The following MBTD1 variants were observed in gnomAD, a reference collection of about 807,000 sequenced individuals.
The protein encoded by MBTD1 is MBT domain-containing protein 1.
A neutral mutation model predicts 87.8 loss-of-function variants in MBTD1; 24 were observed. That is an observed-to-expected ratio of 0.27 (90% CI 0.20 to 0.38). The LOEUF is 0.38. Ranked by LOEUF, MBTD1 falls within the 10% of genes least tolerant of loss-of-function variation. The probability of loss-of-function intolerance (pLI) is 1.00; values close to 1 mark genes in which losing one functional copy is unlikely to be tolerated. For synonymous variants in MBTD1, 237 were observed against 248.6 expected, an observed-to-expected ratio of 0.95 and a Z score of 0.44; for missense variants, 436 against 760.2, an observed-to-expected ratio of 0.57 and a Z score of 5.02.
At chr17:51,229,659 ACTT>A (rs754478871) in intron 2 of MBTD1, among the ~76,000 whole-genome samples, 1 of 122,294 alleles carries the variant, frequency 8.2e-6, no homozygotes, top group African/African-American at 2.9e-5. Context: ...TTTTTAGTAT[ACTT>A]TTTTTTTTTT....
chr17:51,215,370 AAAC>A (rs2052505784), intron 6 of MBTD1, among the ~76,000 whole-genome samples: 1 of 152,228 alleles, frequency 6.6e-6, no homozygotes, highest in Non-Finnish European at 1.5e-5. Context: ...TTTGGACAGA[AAAC>A]AAAATGTTAT....
chr17:51,231,092 C>T (rs1259221233), intron 2 of MBTD1, among the ~76,000 whole-genome samples: 1 of 152,164 alleles, frequency 6.6e-6, no homozygotes, highest in African/African-American at 2.4e-5. Context: ...CGCCTGCCAC[C>T]ACGCCAGGCT....
At chr17:51,217,207 G>C in intron 6 of MBTD1, 127 bp downstream of exon 6, 5 of 560,100 alleles carry the variant, frequency 8.9e-6, no homozygotes, top group Non-Finnish European at 1.5e-5. Context: ...AATAATAAAA[G>C]AAGCATTTCA....
intron 3 of MBTD1, 24 bp downstream of exon 3, chr17:51,224,984 C>G (rs1156617261): frequency 6.9e-7 from 1 of 1,453,890 alleles, no homozygotes; most frequent in Non-Finnish European, 9.3e-7. Context: ...AGCTGTAGAA[C>G]AGGTGAAGGT....
At chr17:51,229,584 A>G (rs943045999) in intron 2 of MBTD1, among the ~76,000 whole-genome samples, 7 of 152,064 alleles carry the variant, frequency 4.6e-5, no homozygotes, top group African/African-American at 1.7e-4. Flanking sequence ...GAAATATTAC[A>G]TTACCAAAGA....
intron 2 of MBTD1, among the ~76,000 whole-genome samples, chr17:51,254,738 T>TA (rs879654897): frequency 7.0e-4 from 107 of 152,160 alleles, no homozygotes; most frequent in Non-Finnish European, 1.1e-3. Context: ...TATGATAAAA[T>TA]AAAAAAATTC....
At chr17:51,232,392 C>A (rs1449083284) in intron 2 of MBTD1, among the ~76,000 whole-genome samples, 1 of 152,058 alleles carries the variant, frequency 6.6e-6, no homozygotes, top group Non-Finnish European at 1.5e-5. Flanking sequence ...CAAGCATCAG[C>A]AGAAACTGAT....
At chr17:51,193,915 C>T (rs1428200822) in intron 13 of MBTD1, among the ~76,000 whole-genome samples, 1 of 152,206 alleles carries the variant, frequency 6.6e-6, no homozygotes, top group Non-Finnish European at 1.5e-5. Flanking sequence ...GCCACTGCAC[C>T]TGGCCTATAT....
chr17:51,188,268 T>G (rs771056814), intron 16 of MBTD1, among the ~76,000 whole-genome samples: 1 of 152,220 alleles, frequency 6.6e-6, no homozygotes, highest in South Asian at 2.1e-4. Flanking sequence ...CTTTTGAGAC[T>G]AGAGAGTGTC....
chr17:51,260,955 G>C, upstream of MBTD1: 7 of 1,467,986 alleles, frequency 4.8e-6, no homozygotes. Context: ...CGCGGGCTGG[G>C]CGCACTCGGG....
At chr17:51,201,223 C>G (rs1031829746) in intron 12 of MBTD1, among the ~76,000 whole-genome samples, 5 of 151,978 alleles carry the variant, frequency 3.3e-5, no homozygotes, top group African/African-American at 9.7e-5. Flanking sequence ...AGAAAAGCAG[C>G]AAAAACTACT....
At chr17:51,187,517 A>C (rs1197421101) in intron 16 of MBTD1, among the ~76,000 whole-genome samples, 3 of 152,126 alleles carry the variant, frequency 2.0e-5, no homozygotes, top group African/African-American at 7.2e-5. Flanking sequence ...AACTCTGCAA[A>C]TATTGAAGAA....
At chr17:51,191,997 G>A (rs1254206949) in intron 16 of MBTD1, 3 of 572,618 alleles carry the variant, frequency 5.2e-6, no homozygotes, top group Non-Finnish European at 9.2e-6. Flanking sequence ...TTTAAATACT[G>A]TGGTAATAAT....
rs1370737045 is a variant in MBTD1, at chr17:51,192,831, T to A, written c.1641A>T (p.Val547=). 1 of 1,614,062 alleles carries A rather than the reference T, an allele frequency of 6.2e-7. No individual in the cohort carries two copies. The highest frequency in any genetic ancestry group is 8.5e-7 in the Non-Finnish European group (1 of 1,180,022). ...GATATCCAGTTAACTGACACCACCCTACAGGATAGAGGTCAGGTGACTCAC... is the reference window on the plus strand; with the variant it reads ...GATATCCAGTTAACTGACACCACCCAACAGGATAGAGGTCAGGTGACTCAC... ...VDCESPDLYP[V]GWCQLTGYQL... is the part of the protein sequence containing the mutation. Residue 547 remains valine (V), a synonymous_variant, in exon 15 of 17, where the codon GTA becomes GTT. Transcript: ENST00000586178.
chr17:51,236,115 GAT>G (rs1165034946), intron 2 of MBTD1, among the ~76,000 whole-genome samples: 3 of 151,826 alleles, frequency 2.0e-5, no homozygotes, highest in Admixed American at 2.0e-4. Flanking sequence ...CATACCTATA[GAT>G]ATGTCAATAT....
At chr17:51,243,634 G>A (rs113271832) in intron 2 of MBTD1, among the ~76,000 whole-genome samples, 2,335 of 152,076 alleles carry the variant, frequency 0.015, 36 homozygotes, top group Non-Finnish European at 0.024. Context: ...TCAAGACCAG[G>A]ATCACATAAA....
intron 2 of MBTD1, among the ~76,000 whole-genome samples, chr17:51,254,431 T>C (rs185227258): frequency 4.6e-5 from 7 of 152,278 alleles, no homozygotes; most frequent in African/African-American, 1.4e-4. Context: ...ATGTCAATGA[T>C]ACAATCAAGA....
intron 16 of MBTD1, among the ~76,000 whole-genome samples, chr17:51,182,373 C>T (rs1485779760): frequency 3.3e-5 from 5 of 152,050 alleles, no homozygotes; most frequent in African/African-American, 9.7e-5. Context: ...GTGATCCACC[C>T]ACCTTGGCCT....
In MBTD1 at chr17:51,178,035, C is replaced by T. The variant is rs928176412; in HGVS notation, c.*2541G>A. On this transcript the variant is annotated 3_prime_UTR_variant, in exon 17 of 17. Transcript: ENST00000586178. ...GATAACAGCTTTAGCTTTCCTCATACACGGCAAGGAAAAGGTTAAAGAGTT... is the reference window on the plus strand; with the variant it reads ...GATAACAGCTTTAGCTTTCCTCATATACGGCAAGGAAAAGGTTAAAGAGTT... The T allele has an allele frequency of 1.3e-5, 2 of 152,104 alleles. No individual in the cohort carries two copies. Among genetic ancestry groups the T allele is most frequent in the African/African-American group, 2.4e-5 (1 of 41,424 alleles). 9.4% of individuals were successfully genotyped at this position (152,104 alleles called of 1,614,324 possible).
Sources: allele counts gnomAD v4.1 joint callset (sites outside exome capture counted in the v4.1 genomes callset), GRCh38; gene constraint gnomAD v4.1.1; transcripts MANE v1.5; gene names NCBI Gene and HGNC (gene_info 2026-07-23, HGNC 2026-07-21).